The following ANO3 variants were observed in gnomAD, a reference collection of about 807,000 sequenced individuals.
ANO3 encodes anoctamin-3.
Under a neutral mutation model 144.8 loss-of-function variants are expected in ANO3, and 99 were observed. That is an observed-to-expected ratio of 0.68 (90% CI 0.58 to 0.81). ANO3 has a LOEUF of 0.81. Among genes scored for constraint, ANO3 ranks in the 30% least tolerant of loss-of-function variants. The pLI, the probability that ANO3 is intolerant of heterozygous loss-of-function variation, is 0.00. For missense variants in ANO3, 905 were observed against 1,202.2 expected (o/e 0.75, Z 3.66); for synonymous variants, 414 against 392.6 (o/e 1.05, Z -0.64).
intron 1 of ANO3, among the ~76,000 whole-genome samples, chr11:26,319,238 A>G (rs1268891968): frequency 6.6e-6 from 1 of 151,944 alleles, no homozygotes; most frequent in Non-Finnish European, 1.5e-5. Flanking sequence ...GACTCAAGTG[A>G]TCCTCCCACC....
At chr11:26,454,028 C>G (rs567949763) in intron 3 of ANO3, among the ~76,000 whole-genome samples, 10 of 151,944 alleles carry the variant, frequency 6.6e-5, no homozygotes, top group African/African-American at 2.4e-4. Context: ...TTGAAACCAA[C>G]GAGAACAAAG....
At chr11:26,418,549 T>C (rs1454863955) in intron 1 of ANO3, among the ~76,000 whole-genome samples, 5 of 152,060 alleles carry the variant, frequency 3.3e-5, no homozygotes, top group African/African-American at 9.7e-5. Flanking sequence ...TTAGCAACAG[T>C]GTAAACATTA....
chr11:26,544,273 T>TATATATATATATATATATACACACAC lies in ANO3; in HGVS notation c.1154+2206_1154+2207insTATATATATATATATATACACACACA. ...ATACATATATATATATATATATATA[T>TATATATATATATATATATACACACAC]ACACACATACACACACACACACACA... On this transcript the variant is annotated intron_variant, in intron 11 of 26. Transcript: ENST00000256737. Among the ~76,000 whole-genome samples, 120 of 58,496 alleles carry TATATATATATATATATATACACACAC rather than the reference T, an allele frequency of 2.1e-3. 2 individuals carry two copies. In the East Asian group the frequency reaches 0.023, roughly 11 times the overall value. The allele number at this position is 58,496 out of a possible 152,430, so 38.4% of individuals were successfully genotyped here.
rs533896339 is a variant in ANO3 at position 26,540,313 on chromosome 11, C to T, written c.1033-1634C>T. Reference sequence around the variant, plus strand: ...CCATAAACATAATCCATCATATAAACAGAACCAATGACAAAAACCACATGA... The same window carrying T: ...CCATAAACATAATCCATCATATAAATAGAACCAATGACAAAAACCACATGA... On this transcript the variant is annotated intron_variant, in intron 10 of 26. Transcript: ENST00000256737. 2.6e-5 allele frequency among the ~76,000 whole-genome samples: 4 copies of T among 152,216 alleles called. No individual in the cohort carries two copies. In the South Asian group the frequency reaches 8.3e-4, roughly 32 times the overall value.
chr11:26,436,456 C>T (rs1858298669), intron 1 of ANO3, among the ~76,000 whole-genome samples: 1 of 152,164 alleles, frequency 6.6e-6, no homozygotes, highest in Admixed American at 6.5e-5. Flanking sequence ...TCTCTAATCA[C>T]CTCCAATTTT....
chr11:26,373,925 A>G (rs964113208), intron 1 of ANO3, among the ~76,000 whole-genome samples: 2 of 152,296 alleles, frequency 1.3e-5, no homozygotes, highest in Non-Finnish European at 2.9e-5. Flanking sequence ...ACAAATCTGA[A>G]GTTTATAGTT....
chr11:26,634,932 A>G (rs1284650307), intron 19 of ANO3, 81 bp from the exon 20 acceptor site: 6 of 1,133,066 alleles, frequency 5.3e-6, no homozygotes, highest in South Asian at 1.3e-5. Flanking sequence ...CTACCCACAC[A>G]TGCACTCGTT....
chr11:26,293,826 C>T (rs146258397), intron 1 of ANO3, among the ~76,000 whole-genome samples: 296 of 151,838 alleles, frequency 1.9e-3, no homozygotes, highest in African/African-American at 5.7e-3. Flanking sequence ...ATTAATTCTC[C>T]GTAATAAGTT....
chr11:26,352,830 C>T (rs1232242353), intron 1 of ANO3, among the ~76,000 whole-genome samples: 2 of 152,154 alleles, frequency 1.3e-5, no homozygotes, highest in African/African-American at 2.4e-5. Context: ...CATATTAGAT[C>T]ATTGACACCT....
chr11:26,652,303 C>T (rs775900627), intron 24 of ANO3, among the ~76,000 whole-genome samples: 6 of 152,162 alleles, frequency 3.9e-5, no homozygotes, highest in Non-Finnish European at 8.8e-5. Context: ...GCTCCTCAAG[C>T]CTTCTGAACC....
intron 14 of ANO3, chr11:26,567,248 C>CT (rs150988105): frequency 0.041 from 25,485 of 628,716 alleles, 625 homozygotes; most frequent in South Asian, 0.077. Flanking sequence ...AAAAAATAGA[C>CT]TTTTTTTTCC....
At chr11:26,643,400 GC>G in intron 23 of ANO3, 66 bp downstream of exon 23, 11 of 1,570,722 alleles carry the variant, frequency 7.0e-6, no homozygotes, top group Non-Finnish European at 9.5e-6. Flanking sequence ...GTTTGAGTGT[GC>G]CCCCAGATTC....
At chr11:26,393,358 G>C (rs559886251) in intron 1 of ANO3, among the ~76,000 whole-genome samples, 2 of 151,966 alleles carry the variant, frequency 1.3e-5, no homozygotes, top group African/African-American at 4.8e-5. Flanking sequence ...TTGCCATTTT[G>C]TTCTCAAAGA....
At position 26,590,040 on chromosome 11, in the gene ANO3, AGAAAC is replaced by A. The variant is rs1215624060; in HGVS notation, c.1448-8324_1448-8320del. Among the ~76,000 whole-genome samples the A allele has an allele frequency of 5.1e-4, 78 of 152,322 alleles. 1 individual carries two copies. Among genetic ancestry groups the A allele is most frequent in the African/African-American group, 1.7e-3 (72 of 41,576 alleles). On this transcript the variant is annotated intron_variant, in intron 14 of 26. Coordinates refer to ENST00000256737, the MANE Select transcript of ANO3 (RefSeq NM_031418.4). ...GACATTTCTGACCTTCTCCAAGGTT[AGAAAC>A]CAACAGGGATAACATCTCTGCCCTT...
rs114211634 is a variant in ANO3, at chr11:26,384,117, G to T, written c.46+51796G>T. 2.2e-3 allele frequency among the ~76,000 whole-genome samples: 331 copies of T among 151,826 alleles called. 2 individuals carry two copies. Among genetic ancestry groups the T allele is most frequent in the African/African-American group, 7.6e-3 (315 of 41,414 alleles). ...AATGTTCACCACGTTGGTCAGGCTG[G>T]TCTCAAACTCTTAAACTCGTGATCC... On this transcript the variant is annotated intron_variant, in intron 1 of 26. Transcript: ENST00000256737.
intron 1 of ANO3, among the ~76,000 whole-genome samples, chr11:26,425,554 T>C (rs531763935): frequency 2.0e-5 from 3 of 152,254 alleles, no homozygotes; most frequent in Non-Finnish European, 4.4e-5. Context: ...AATTGTATTC[T>C]ATTTCATTTT....
At chr11:26,274,954 T>C (rs1025631204) in intron 1 of ANO3, among the ~76,000 whole-genome samples, 1 of 151,856 alleles carries the variant, frequency 6.6e-6, no homozygotes, top group Non-Finnish European at 1.5e-5. Context: ...CTTAAACAAA[T>C]ATATATTAAT....
At chr11:26,293,686 C>A (rs1040021405) in intron 1 of ANO3, among the ~76,000 whole-genome samples, 2 of 151,228 alleles carry the variant, frequency 1.3e-5, no homozygotes. Flanking sequence ...CTAACAGAGA[C>A]TAAAAATCAC....
chr11:26,403,383 C>A (rs960702645), intron 1 of ANO3, among the ~76,000 whole-genome samples: 22 of 151,812 alleles, frequency 1.4e-4, no homozygotes, highest in African/African-American at 4.8e-4. Context: ...GAAATTGAGA[C>A]TCAATTAGGT....
Sources: gnomAD v4.1 joint callset for allele counts (sites outside exome capture counted in the v4.1 genomes callset) on GRCh38, gnomAD v4.1.1 for gene constraint, MANE v1.5 for transcripts, NCBI Gene and HGNC (gene_info 2026-07-23, HGNC 2026-07-21) for gene names.